TBC1D22A: variants seen among roughly 807,000 people sequenced by gnomAD.
The protein encoded by TBC1D22A is putative GTPase activator.
TBC1D22A carries 38 observed loss-of-function variants against 60.2 expected under a neutral mutation model. That is an observed-to-expected ratio of 0.63 (90% CI 0.49 to 0.83). The LOEUF (loss-of-function observed/expected upper bound fraction) is 0.83. TBC1D22A is among the 40% of genes least tolerant of loss of function. The pLI is 0.00. For synonymous variants in TBC1D22A, 302 were observed against 281.7 expected (o/e 1.07, Z -0.72); for missense variants, 628 against 701.0 (o/e 0.90, Z 1.18).
intron 9 of TBC1D22A, among the ~76,000 whole-genome samples, chr22:46,993,564 CT>C (rs1270812205): frequency 1.3e-5 from 2 of 152,222 alleles, no homozygotes; most frequent in Non-Finnish European, 2.9e-5. Flanking sequence ...CACAGGTGAT[CT>C]GGGTGCCAGG....
chr22:47,154,283 G>T (rs1380612009), intron 12 of TBC1D22A, among the ~76,000 whole-genome samples: 1 of 152,202 alleles, frequency 6.6e-6, no homozygotes, highest in Non-Finnish European at 1.5e-5. Flanking sequence ...GTCCTGGTAT[G>T]GCCCTGCCAC....
intron 1 of TBC1D22A, among the ~76,000 whole-genome samples, chr22:46,765,759 G>T (rs1450439899): frequency 1.0e-4 from 15 of 145,748 alleles, no homozygotes; most frequent in Admixed American, 2.8e-4. Flanking sequence ...GAGCCTCCAT[G>T]CCTGGCCTTG....
At chr22:46,893,174 T>C (rs2068491457) in intron 6 of TBC1D22A, among the ~76,000 whole-genome samples, 1 of 152,170 alleles carries the variant, frequency 6.6e-6, no homozygotes, top group Non-Finnish European at 1.5e-5. Context: ...TTCCATCCTT[T>C]CTTCATTTGA....
At chr22:46,975,189 C>T (rs2148134654) in intron 9 of TBC1D22A, among the ~76,000 whole-genome samples, 1 of 152,228 alleles carries the variant, frequency 6.6e-6, no homozygotes, top group East Asian at 1.9e-4. Context: ...ACACTCGCTT[C>T]CTGTGAGGTG....
At chr22:46,993,480 A>ACTAATGACATT (rs2075017395) in intron 9 of TBC1D22A, among the ~76,000 whole-genome samples, 2 of 152,258 alleles carry the variant, frequency 1.3e-5, no homozygotes, top group Non-Finnish European at 2.9e-5. Context: ...TAATATTATT[A>ACTAATGACATT]CTAATGACAT....
chr22:46,803,663 A>G (rs1397463775), intron 4 of TBC1D22A, among the ~76,000 whole-genome samples: 4 of 152,228 alleles, frequency 2.6e-5, no homozygotes, highest in Admixed American at 6.5e-5. Context: ...AAAGGCAGGC[A>G]CAGCCTCAGA....
chr22:46,994,403 C>G (rs1320085573), intron 9 of TBC1D22A, among the ~76,000 whole-genome samples: 1 of 152,184 alleles, frequency 6.6e-6, no homozygotes, highest in African/African-American at 2.4e-5. Flanking sequence ...CCACCTTCGC[C>G]TCTCCCCGTT....
intron 12 of TBC1D22A, among the ~76,000 whole-genome samples, chr22:47,150,600 C>G (rs957149401): frequency 1.3e-5 from 2 of 152,336 alleles, no homozygotes; most frequent in Admixed American, 1.3e-4. Context: ...GCCTTCTCGC[C>G]GAGCTGTCTG....
chr22:47,052,721 T>C (rs1431338827), intron 11 of TBC1D22A, among the ~76,000 whole-genome samples: 1 of 152,158 alleles, frequency 6.6e-6, no homozygotes, highest in Non-Finnish European at 1.5e-5. Flanking sequence ...ACAGCACTGC[T>C]CAGGCTCTGC....
At chr22:47,003,941 CACACACCCTACGCACGCATGCCTGTAT>C (rs1172137917) in intron 10 of TBC1D22A, among the ~76,000 whole-genome samples, 3,725 of 146,550 alleles carry the variant, frequency 0.025, 188 homozygotes, top group African/African-American at 0.082. Flanking sequence ...TGCCTGTATA[CACACACCCTACGCACGCATGCCTGTAT>C]ACACACCCTA....
intron 7 of TBC1D22A, among the ~76,000 whole-genome samples, chr22:46,896,167 C>A (rs1346774972): frequency 6.6e-6 from 1 of 152,208 alleles, no homozygotes; most frequent in Non-Finnish European, 1.5e-5. Flanking sequence ...TTTCCCCCTT[C>A]TGCGAAATGT....
chr22:47,154,441 C>G (rs1018660479), intron 12 of TBC1D22A, among the ~76,000 whole-genome samples: 5 of 152,196 alleles, frequency 3.3e-5, no homozygotes, highest in African/African-American at 1.2e-4. Context: ...AATGCCCCCC[C>G]GCTTGAAATT....
chr22:46,975,896 A>T (rs950225585), intron 9 of TBC1D22A, among the ~76,000 whole-genome samples: 1 of 152,208 alleles, frequency 6.6e-6, no homozygotes, highest in African/African-American at 2.4e-5. Context: ...CCTCGTATCT[A>T]TTGGCTGGTC....
At chr22:47,035,420 C>T (rs997381423) in intron 10 of TBC1D22A, among the ~76,000 whole-genome samples, 3 of 152,170 alleles carry the variant, frequency 2.0e-5, no homozygotes, top group Admixed American at 2.0e-4. Flanking sequence ...CAGGCTGGCC[C>T]CTGGGGCTCA....
intron 1 of TBC1D22A, chr22:46,774,190 A>G: frequency 2.0e-6 from 2 of 985,552 alleles, no homozygotes; most frequent in Non-Finnish European, 2.4e-6. Context: ...GGCTGGGGGA[A>G]AACCAGGCTT....
chr22:46,907,709 C>T (rs2069593320), intron 7 of TBC1D22A, among the ~76,000 whole-genome samples: 2 of 152,342 alleles, frequency 1.3e-5, no homozygotes, highest in Admixed American at 6.5e-5. Flanking sequence ...GGACTGAGGG[C>T]ACTGCTGTAA....
intron 4 of TBC1D22A, among the ~76,000 whole-genome samples, chr22:46,818,618 G>A (rs1371017122): frequency 6.6e-6 from 1 of 152,192 alleles, no homozygotes; most frequent in Non-Finnish European, 1.5e-5. Context: ...CTATATGTCT[G>A]TTTTGGTACC....
intron 4 of TBC1D22A, among the ~76,000 whole-genome samples, chr22:46,873,636 A>AT (rs950907254): frequency 2.6e-5 from 4 of 152,120 alleles, no homozygotes; most frequent in African/African-American, 9.7e-5. Flanking sequence ...CCCAGGATCC[A>AT]TTAGTTACTT....
intron 10 of TBC1D22A, among the ~76,000 whole-genome samples, chr22:47,014,550 A>G (rs995063796): frequency 1.3e-5 from 2 of 152,278 alleles, no homozygotes; most frequent in South Asian, 2.1e-4. Context: ...CGTTAAGCCT[A>G]CTGTCCCTAT....
Sources: gnomAD v4.1 joint callset for allele counts (sites outside exome capture counted in the v4.1 genomes callset) on GRCh38, gnomAD v4.1.1 for gene constraint, MANE v1.5 for transcripts, NCBI Gene and HGNC (gene_info 2026-07-23, HGNC 2026-07-21) for gene names.